ELFN2: variants seen among roughly 807,000 people sequenced by gnomAD.
ELFN2 encodes protein phosphatase 1 regulatory subunit 29.
ELFN2 carries 17 observed loss-of-function variants against 45.5 expected under a neutral mutation model. The observed-to-expected ratio is 0.37, with a 90% confidence interval of 0.26 to 0.56. The LOEUF (loss-of-function observed/expected upper bound fraction) is 0.56. ELFN2 is among the 20% of genes least tolerant of loss of function. The pLI, the probability that ELFN2 is intolerant of heterozygous loss-of-function variation, is 0.77. For missense variants in ELFN2, 922 were observed against 1,183.2 expected (o/e 0.78, Z 3.24); for synonymous variants, 550 against 551.5 (o/e 1.00, Z 0.04).
At chr22:37,354,381 C>G (rs1477250823) in intron 1 of ELFN2, 1 of 152,182 alleles carries the variant, frequency 6.6e-6, no homozygotes, top group Non-Finnish European at 1.5e-5. Flanking sequence ...CGTATATATT[C>G]ACTTCAGTTA....
Position 37,374,373 on chromosome 22 carries a change from C to T in ELFN2, c.1162G>A (p.Ala388Thr), listed in dbSNP as rs757756673. Residue 388 changes from alanine to threonine, a missense_variant, in exon 3 of 3, where the codon GCG (alanine) becomes ACG (threonine). Around this residue, in one of 2 missense-constraint regions of ELFN2, gnomAD observed 564 missense variants for 642.8 expected, o/e 0.88. Transcript: ENST00000402918. ...TTRDPVPGDL[A>T]PSTSTTTHYI... ...TGGGTGGTGGTGGAGGTGCTGGGCG[C>T]CAAGTCTCCGGGGACGGGGTCCCGC... is the stretch of plus-strand genomic sequence containing the variant. 1 of 1,613,984 alleles carries T rather than the reference C, an allele frequency of 6.2e-7. No individual in the cohort carries two copies. Among genetic ancestry groups the T allele is most frequent in the South Asian group, 1.1e-5 (1 of 91,076 alleles).
At chr22:37,424,152 G>A (rs1426504976) in intron 1 of ELFN2, among the ~76,000 whole-genome samples, 34 of 152,156 alleles carry the variant, frequency 2.2e-4, no homozygotes, top group Middle Eastern at 3.4e-3. Flanking sequence ...CACTGTGGCC[G>A]GAGCAGGTGA....
rs1870805895 is a variant in ELFN2, at chr22:37,375,786, C to G, written c.-252G>C. 3.6e-6 allele frequency: 2 copies of G among 553,342 alleles called. No homozygotes were observed. Among genetic ancestry groups the G allele is most frequent in the South Asian group, 5.0e-5 (2 of 40,166 alleles). The allele number at this position is 553,342 out of a possible 1,614,324, so 34.3% of individuals were successfully genotyped here. On this transcript the variant is annotated 5_prime_UTR_variant, in exon 3 of 3. Transcript: ENST00000402918. ...CCTGCTCCCCACCGCAGCGTTGCTC[C>G]TTGTCTCCTGCTAGGAAGGTGCAAG... is the stretch of plus-strand genomic sequence containing the variant.
At chr22:37,422,912 G>A (rs1340648402) in intron 1 of ELFN2, among the ~76,000 whole-genome samples, 2 of 125,136 alleles carry the variant, frequency 1.6e-5, no homozygotes, top group African/African-American at 6.0e-5. Context: ...CGGTACTTTT[G>A]TCCCCACTTC....
chr22:37,421,729 T>C (rs1042493935), intron 1 of ELFN2, among the ~76,000 whole-genome samples: 10 of 152,128 alleles, frequency 6.6e-5, no homozygotes, highest in African/African-American at 2.4e-4. Context: ...CTCGGTAGCA[T>C]GTAGATGAAA....
At chr22:37,350,370 G>T (rs1369748255) in intron 1 of ELFN2, among the ~76,000 whole-genome samples, 1 of 150,612 alleles carries the variant, frequency 6.6e-6, no homozygotes, top group African/African-American at 2.4e-5. Context: ...CTGGTACGCA[G>T]TGTGCAGCTG....
chr22:37,342,529 C>T (rs1298922188), intron 2 of ELFN2: 1 of 152,228 alleles, frequency 6.6e-6, no homozygotes, highest in Non-Finnish European at 1.5e-5. Context: ...GTCCTGTGCT[C>T]TGCTGAGCGA....
chr22:37,351,628 G>A (rs1397508824), intron 1 of ELFN2, among the ~76,000 whole-genome samples: 1 of 149,958 alleles, frequency 6.7e-6, no homozygotes, highest in Non-Finnish European at 1.5e-5. Context: ...AAGGCTTGGA[G>A]AAAAGAGCAC....
chr22:37,382,694 C>G (rs1032106040), intron 2 of ELFN2, among the ~76,000 whole-genome samples: 2 of 151,468 alleles, frequency 1.3e-5, no homozygotes, highest in Non-Finnish European at 2.9e-5. Flanking sequence ...GGACCATAGG[C>G]GCATGCCACG....
At chr22:37,418,389 C>G (rs763129601) in intron 1 of ELFN2, among the ~76,000 whole-genome samples, 1 of 152,036 alleles carries the variant, frequency 6.6e-6, no homozygotes, top group South Asian at 2.1e-4. Context: ...TTCTTTCAAG[C>G]CCCTGGGCAG....
chr22:37,349,584 C>A (rs1489696103), intron 1 of ELFN2, among the ~76,000 whole-genome samples: 1 of 151,050 alleles, frequency 6.6e-6, no homozygotes, highest in Non-Finnish European at 1.5e-5. Flanking sequence ...ACCCCAGGGA[C>A]ATCAGATCTG....
At chr22:37,410,329 G>A (rs902202420) in intron 2 of ELFN2, among the ~76,000 whole-genome samples, 1 of 152,198 alleles carries the variant, frequency 6.6e-6, no homozygotes, top group African/African-American at 2.4e-5. Flanking sequence ...GTGCCCAAGA[G>A]GAAAGCCGGC....
At position 37,372,250 on chromosome 22, in the gene ELFN2, C is replaced by A. The variant is rs767155733; in HGVS notation, c.*822G>T. The A allele has an allele frequency of 3.3e-5, 5 of 152,656 alleles. No homozygotes were observed. Among genetic ancestry groups the A allele is most frequent in the Non-Finnish European group, 7.3e-5 (5 of 68,130 alleles). 9.5% of individuals were successfully genotyped at this position (152,656 alleles called of 1,614,324 possible). A position where few individuals can be genotyped will look rare whatever the true frequency, so the allele number is the denominator to read the frequency against. On this transcript the variant is annotated 3_prime_UTR_variant, in exon 3 of 3. Transcript: ENST00000402918. This position sits in a 1 kb window ranked among gnomAD's most constrained non-coding sequence, Gnocchi z 4.4. ...CCTTTCCCGTCAACAGGACCCTCTCCCTTCTCCCGGGTGCCGGCATAGGGG... is the reference window on the plus strand; with the variant it reads ...CCTTTCCCGTCAACAGGACCCTCTCACTTCTCCCGGGTGCCGGCATAGGGG...
intron 1 of ELFN2, among the ~76,000 whole-genome samples, chr22:37,347,641 A>AACACACACAC (rs55967141): frequency 2.2e-4 from 33 of 146,676 alleles, no homozygotes; most frequent in Admixed American, 1.0e-3. Flanking sequence ...TGGGTGGCAG[A>AACACACACAC]ACACACACAC....
intron 2 of ELFN2, among the ~76,000 whole-genome samples, chr22:37,409,099 C>T (rs1184313669): frequency 6.6e-6 from 1 of 152,202 alleles, no homozygotes; most frequent in Non-Finnish European, 1.5e-5. Context: ...GGCTCAGCCC[C>T]AAGGCGGAAA....
chr22:37,412,152 C>T (rs1476415840), intron 2 of ELFN2, among the ~76,000 whole-genome samples: 4 of 151,756 alleles, frequency 2.6e-5, no homozygotes, highest in Admixed American at 6.6e-5. Context: ...CGAGACCAGC[C>T]TGGTCAACAT....
intron 2 of ELFN2, among the ~76,000 whole-genome samples, chr22:37,388,241 T>C (rs1440048858): frequency 6.6e-6 from 1 of 152,072 alleles, no homozygotes; most frequent in African/African-American, 2.4e-5. Flanking sequence ...CACATGGTCT[T>C]GTGGGAGCCG....
chr22:37,426,611 G>GCACA (rs137928365), intron 1 of ELFN2, among the ~76,000 whole-genome samples: 1 of 118,936 alleles, frequency 8.4e-6, no homozygotes, highest in Non-Finnish European at 1.7e-5. Context: ...ACACACGCAC[G>GCACA]CACACACACA....
Position 37,375,463 on chromosome 22 carries a change from G to A in ELFN2, c.72C>T (p.Cys24=), listed in dbSNP as rs764870578. Residue 24 remains cysteine (C), a synonymous_variant, in exon 3 of 3, where the codon TGC becomes TGT. Coordinates refer to ENST00000402918, the MANE Select transcript of ELFN2 (RefSeq NM_052906.5). ...VCRPGAVRAD[C]WLIEGDKGYV... ...AGCCCTTGTCGCCCTCAATGAGCCA[G>A]CAGTCGGCACGCACGGCACCCGGCC... is the stretch of plus-strand genomic sequence containing the variant. 3.7e-6 allele frequency: 6 copies of A among 1,609,754 alleles called. No individual in the cohort carries two copies. In the Admixed American group the frequency reaches 1.0e-4, roughly 27 times the overall value.
Sources: gnomAD v4.1 joint callset for allele counts (sites outside exome capture counted in the v4.1 genomes callset) on GRCh38, gnomAD v4.1.1 for gene constraint, gnomAD v4.1.1 regional missense constraint, Gnocchi (gnomAD v3.1) non-coding constraint, MANE v1.5 for transcripts, NCBI Gene and HGNC (gene_info 2026-07-23, HGNC 2026-07-21) for gene names.